KAT6A: variants seen among roughly 807,000 people sequenced by gnomAD.
The protein encoded by KAT6A is histone acetyltransferase KAT6A.
In KAT6A, 9 loss-of-function variants were observed where a neutral mutation model predicts 198.4. That is an observed-to-expected ratio of 0.05 (90% CI 0.03 to 0.08). The LOEUF (loss-of-function observed/expected upper bound fraction) is 0.08. KAT6A is among the 10% of genes least tolerant of loss of function. The probability of loss-of-function intolerance (pLI) is 1.00; values close to 1 mark genes in which losing one functional copy is unlikely to be tolerated. For missense variants in KAT6A, 2,077 were observed against 2,509.9 expected (o/e 0.83, Z 3.69); for synonymous variants, 890 against 883.0 (o/e 1.01, Z -0.14).
intron 3 of KAT6A, among the ~76,000 whole-genome samples, chr8:41,984,594 T>C (rs914762777): frequency 1.3e-5 from 2 of 152,202 alleles, no homozygotes; most frequent in African/African-American, 4.8e-5. Flanking sequence ...TAAAAAATGT[T>C]TTGTTGCTTT....
chr8:42,049,175 G>T lies in KAT6A; in HGVS notation c.-198C>A, dbSNP rs1802470630. The T allele has an allele frequency of 1.8e-6, 1 of 549,146 alleles. No individual in the cohort carries two copies. Among genetic ancestry groups the T allele is most frequent in the Non-Finnish European group, 3.2e-6 (1 of 315,572 alleles). The allele number at this position is 549,146 out of a possible 1,614,324, so 34.0% of individuals were successfully genotyped here. A position where few individuals can be genotyped will look rare whatever the true frequency, so the allele number is the denominator to read the frequency against. Reference sequence around the variant, plus strand: ...ACTATAGAAACCAAAACAACCTGTTGATTGAAATGTCTTCCAACTTCCCAA... The same window carrying T: ...ACTATAGAAACCAAAACAACCTGTTTATTGAAATGTCTTCCAACTTCCCAA... On this transcript the variant is annotated 5_prime_UTR_variant, in exon 2 of 17. Transcript: ENST00000265713.
Position 42,048,632 on chromosome 8 carries a change from A to G in KAT6A, c.346T>C (p.Ser116Pro). The change falls in exon 2 of 17, where the codon TCA becomes CCA. Residue 116 changes from serine to proline, a missense_variant. Ser to Pro is a moderately conservative substitution (Grantham distance 74). Transcript: ENST00000265713. ...AVEGLAESGGSTLKSIERFLK... is the reference protein window; with the variant it reads ...AVEGLAESGGPTLKSIERFLK... The stretch of plus-strand genomic sequence containing the variant: ...AAACGTTCAATGCTTTTCAAAGTTG[A>G]GCCACCAGACTCTGCCAAGCCCTCA... 1 of 1,614,204 alleles carries G rather than the reference A, an allele frequency of 6.2e-7. No homozygotes were observed. Among genetic ancestry groups the G allele is most frequent in the Non-Finnish European group, 8.5e-7 (1 of 1,180,026 alleles).
intron 2 of KAT6A, among the ~76,000 whole-genome samples, chr8:41,989,799 C>G (rs533678182): frequency 7.2e-5 from 11 of 152,208 alleles, no homozygotes; most frequent in African/African-American, 2.4e-4. Flanking sequence ...AATTAAGTGG[C>G]TGGCAGAGAA....
At chr8:42,012,399 G>A (rs1826065357) in intron 2 of KAT6A, among the ~76,000 whole-genome samples, 1 of 152,160 alleles carries the variant, frequency 6.6e-6, no homozygotes, top group Non-Finnish European at 1.5e-5. Context: ...TTGAGATGGG[G>A]GGGTTATCCT....
intron 9 of KAT6A, among the ~76,000 whole-genome samples, chr8:41,951,596 C>T (rs1587733212): frequency 6.6e-6 from 1 of 152,148 alleles, no homozygotes; most frequent in African/African-American, 2.4e-5. Flanking sequence ...TGATCAACTG[C>T]ACATGAAGTG....
intron 2 of KAT6A, among the ~76,000 whole-genome samples, chr8:41,989,296 G>C (rs561332777): frequency 2.6e-5 from 4 of 152,228 alleles, no homozygotes; most frequent in African/African-American, 9.6e-5. Flanking sequence ...ATCACCTGAG[G>C]TCAGGAGTTT....
chr8:42,003,652 G>C (rs909413087), intron 2 of KAT6A, among the ~76,000 whole-genome samples: 1 of 151,856 alleles, frequency 6.6e-6, no homozygotes, highest in Non-Finnish European at 1.5e-5. Flanking sequence ...CTATCTTCAG[G>C]AGGTCATTGT....
intron 9 of KAT6A, among the ~76,000 whole-genome samples, chr8:41,951,503 G>T (rs988251986): frequency 1.3e-5 from 2 of 152,236 alleles, no homozygotes; most frequent in Non-Finnish European, 2.9e-5. Flanking sequence ...TAGCCCTAGA[G>T]AATCTTGTTG....
intron 8 of KAT6A, among the ~76,000 whole-genome samples, chr8:41,958,671 T>C (rs982287655): frequency 5.3e-5 from 8 of 152,216 alleles, no homozygotes; most frequent in Non-Finnish European, 2.9e-5. Flanking sequence ...TATATGTGTA[T>C]AGTACATGCA....
rs532694994 is a variant in KAT6A, at chr8:41,968,993, T to C, written c.1482+5711A>G. 1.5e-3 allele frequency among the ~76,000 whole-genome samples: 228 copies of C among 152,342 alleles called. 1 individual carries two copies. The highest frequency in any genetic ancestry group is 0.01 in the Middle Eastern group (3 of 294). ...TTTCAATTATCTTTGACTTAGATAA[T>C]GTTCCATGCAAAGTTTGATTATTCA... On this transcript the variant is annotated intron_variant, in intron 8 of 16. Coordinates refer to ENST00000265713, the MANE Select transcript of KAT6A (RefSeq NM_006766.5).
chr8:42,012,207 G>A (rs1468951165), intron 2 of KAT6A, among the ~76,000 whole-genome samples: 1 of 152,158 alleles, frequency 6.6e-6, no homozygotes, highest in African/African-American at 2.4e-5. Flanking sequence ...TCTTATAAAA[G>A]TTAAACATAC....
chr8:42,048,899 G>T lies in KAT6A; in HGVS notation c.79C>A (p.Pro27Thr). 1 of 1,614,092 alleles carries T rather than the reference G, an allele frequency of 6.2e-7. No homozygotes were observed. Among genetic ancestry groups the T allele is most frequent in the Non-Finnish European group, 8.5e-7 (1 of 1,180,020 alleles). ...GCATTGCATATCCTTTCTTCTGAAGGACGCTGTTTCTGCTTTTTCACTTTT... is the reference window on the plus strand; with the variant it reads ...GCATTGCATATCCTTTCTTCTGAAGTACGCTGTTTCTGCTTTTTCACTTTT... Reference protein sequence around the residue: ...IKKVKKQKQRPSEERICNAVS... With the variant: ...IKKVKKQKQRTSEERICNAVS... The change falls in exon 2 of 17, where the codon CCT (proline) becomes ACT (threonine). Residue 27 changes from proline to threonine, a missense_variant. By Grantham distance (38) the Pro-to-Thr change is conservative. This residue lies in a region of KAT6A where 35 missense variants were observed against 76.6 expected (regional missense o/e 0.46). Coordinates refer to ENST00000265713, the MANE Select transcript of KAT6A (RefSeq NM_006766.5).
At position 41,929,534 on chromosome 8, in the gene KAT6A, GA is replaced by G; in HGVS notation, c.*2670del. ...ATGTTAAAATGTACAGAGTTCTTTT[GA>G]AAGTACTTGCTAGAAAGGGGAAAAA... On this transcript the variant is annotated 3_prime_UTR_variant, in exon 17 of 17. Coordinates refer to ENST00000265713, the MANE Select transcript of KAT6A (RefSeq NM_006766.5). 1 of 184,720 alleles carries G rather than the reference GA, an allele frequency of 5.4e-6. No individual in the cohort carries two copies. Among genetic ancestry groups the G allele is most frequent in the Non-Finnish European group, 1.1e-5 (1 of 87,064 alleles). The allele number at this position is 184,720 out of a possible 1,614,324, so 11.4% of individuals were successfully genotyped here.
At chr8:42,020,064 T>A (rs955834750) in intron 2 of KAT6A, among the ~76,000 whole-genome samples, 5 of 152,340 alleles carry the variant, frequency 3.3e-5, no homozygotes, top group African/African-American at 7.2e-5. Flanking sequence ...CTTCTTTTTT[T>A]AAATAAATCA....
chr8:41,960,362 G>A (rs761417465), intron 8 of KAT6A, among the ~76,000 whole-genome samples: 5 of 151,944 alleles, frequency 3.3e-5, no homozygotes, highest in African/African-American at 4.8e-5. Flanking sequence ...GGCGGATCAC[G>A]ATCGAGACCA....
In KAT6A at chr8:41,937,321, C is replaced by T. The variant is rs1320323871; in HGVS notation, c.3287G>A (p.Cys1096Tyr). The T allele has an allele frequency of 3.1e-6, 5 of 1,613,986 alleles. No individual in the cohort carries two copies. In the African/African-American group the frequency reaches 5.3e-5, roughly 17 times the overall value. The change falls in exon 16 of 17, where the codon TGT becomes TAT. Residue 1096 changes from cysteine (C) to tyrosine (Y), a missense_variant. This residue lies in a region of KAT6A where 375 missense variants were observed against 383.0 expected (regional missense o/e 0.98). Transcript: ENST00000265713. ...RRLSSQDVLR[C>Y]QSSSKRKSKD... Reference sequence around the variant, plus strand: ...AGACTTCCTCTTAGAAGAGGACTGACACCTGAGTACATCCTGCGAAGACAA... The same window carrying T: ...AGACTTCCTCTTAGAAGAGGACTGATACCTGAGTACATCCTGCGAAGACAA...
rs1824674958 is a variant in KAT6A, at chr8:41,987,446, A to G, written c.709+9T>C. On this transcript the variant is annotated intron_variant, in intron 3 of 16. Transcript: ENST00000265713. ...CATTTTAGAAGAAAAACAGAAGGAAATCACATACCACTGTTGCCACAGTCG... is the reference window on the plus strand; with the variant it reads ...CATTTTAGAAGAAAAACAGAAGGAAGTCACATACCACTGTTGCCACAGTCG... 6.5e-7 allele frequency: 1 copy of G among 1,533,922 alleles called. No homozygotes were observed. The highest frequency in any genetic ancestry group is 9.0e-7 in the Non-Finnish European group (1 of 1,112,872).
chr8:41,933,534 G>A lies in KAT6A; in HGVS notation c.4686C>T (p.Asn1562=). ...AGTCGTAACTGCTTGGGTTCTCATAGTTTTCAGTGGTGCTCTCAATGCTGC... is the reference window on the plus strand; with the variant it reads ...AGTCGTAACTGCTTGGGTTCTCATAATTTTCAGTGGTGCTCTCAATGCTGC... ...DLGSIESTTE[N]YENPSSYDST... The change falls in exon 17 of 17, where the codon AAC becomes AAT. Residue 1562 remains asparagine (N), a synonymous_variant. Transcript: ENST00000265713. This position sits in a 1 kb window ranked among gnomAD's most constrained non-coding sequence, Gnocchi z 6.2. 6.2e-7 allele frequency: 1 copy of A among 1,614,146 alleles called. No homozygotes were observed.
At chr8:41,983,874 T>C (rs772857421) in intron 3 of KAT6A, among the ~76,000 whole-genome samples, 2 of 152,248 alleles carry the variant, frequency 1.3e-5, no homozygotes, top group African/African-American at 2.4e-5. Context: ...TATTACTACT[T>C]GAGTAAAACA....
Sources: allele counts gnomAD v4.1 joint callset (sites outside exome capture counted in the v4.1 genomes callset), GRCh38; gene constraint gnomAD v4.1.1; regional missense constraint gnomAD v4.1.1; non-coding constraint Gnocchi (gnomAD v3.1); transcripts MANE v1.5; gene names NCBI Gene and HGNC (gene_info 2026-07-23, HGNC 2026-07-21).